TUBGCP2: variants seen among roughly 807,000 people sequenced by gnomAD.
TUBGCP2 encodes the protein gamma-tubulin complex component 2.
Under a neutral mutation model 92.2 loss-of-function variants are expected in TUBGCP2, and 55 were observed. That is an observed-to-expected ratio of 0.60 (90% confidence interval 0.48 to 0.75). The LOEUF is 0.75. Ranked by LOEUF, TUBGCP2 falls within the 30% of genes least tolerant of loss-of-function variation. TUBGCP2 has a pLI of 0.00. For missense variants in TUBGCP2, 1,093 were observed against 1,188.9 expected (o/e 0.92, Z 1.19); for synonymous variants, 533 against 505.2 (o/e 1.06, Z -0.74).
upstream of TUBGCP2, chr10:133,309,405 C>A (rs370544381): frequency 9.9e-6 from 16 of 1,611,968 alleles, no homozygotes; most frequent in Non-Finnish European, 1.3e-5. Context: ...GGACGTGCAG[C>A]GCCACCTCTA....
chr10:133,281,750 G>A (rs189474761), intron 16 of TUBGCP2, among the ~76,000 whole-genome samples: 23 of 152,334 alleles, frequency 1.5e-4, no homozygotes, highest in Admixed American at 1.1e-3. Flanking sequence ...CCTCACCTCC[G>A]GCCCCCACGC....
In TUBGCP2 at chr10:133,302,831, G is replaced by T. The variant is rs760264083; in HGVS notation, c.111C>A (p.Thr37=). ...VYIDLLQKNR[T]PYVTTTVSAH... Reference sequence around the variant, plus strand: ...CAGAGACAGTGGTAGTGACGTACGGGGTCCTGTTCTTTTGAAGCAGGTCAA... The same window carrying T: ...CAGAGACAGTGGTAGTGACGTACGGTGTCCTGTTCTTTTGAAGCAGGTCAA... Residue 37 remains threonine (T), a synonymous_variant, in exon 2 of 18, where the codon ACC becomes ACA. Transcript: ENST00000252936. 3 of 1,613,310 alleles carry T rather than the reference G, an allele frequency of 1.9e-6. No individual in the cohort carries two copies. In the East Asian group the frequency reaches 6.7e-5, roughly 36 times the overall value.
intron 6 of TUBGCP2, 112 bp downstream of exon 6, chr10:133,293,450 A>T: frequency 1.5e-6 from 2 of 1,329,832 alleles, no homozygotes; most frequent in Non-Finnish European, 2.1e-6. Context: ...AGTTGTCACC[A>T]AGGCGGGCGC....
Position 133,293,565 on chromosome 10 carries a change from G to T in TUBGCP2, c.821C>A (p.Thr274Asn). ...LPVAASYSAV[T>N]RFIEEKSSFE... is the part of the protein sequence containing the mutation. ...AGGGACCGCGCCCGGTGCCCACCTGGTCACAGCGGAGTAGCTGGCGGCCAC... is the reference window on the plus strand; with the variant it reads ...AGGGACCGCGCCCGGTGCCCACCTGTTCACAGCGGAGTAGCTGGCGGCCAC... The change falls in exon 6 of 18, where the codon ACC becomes AAC. Residue 274 changes from threonine (T) to asparagine (N), a missense_variant. Thr to Asn is a moderately conservative substitution (Grantham distance 65). This residue lies in a region of TUBGCP2 where 490 missense variants were observed against 488.5 expected (regional missense o/e 1.00). Transcript: ENST00000252936. 2 of 1,551,612 alleles carry T rather than the reference G, an allele frequency of 1.3e-6. No homozygotes were observed. The highest frequency in any genetic ancestry group is 8.7e-7 in the Non-Finnish European group (1 of 1,147,396).
chr10:133,292,737 G>T, intron 7 of TUBGCP2, 49 bp from the exon 8 acceptor site: 1 of 1,567,410 alleles, frequency 6.4e-7, no homozygotes, highest in Non-Finnish European at 8.7e-7. Context: ...CGCACGCCCA[G>T]CCTCTGCCAA....
At chr10:133,309,106 C>G (rs1479449824), upstream of TUBGCP2, 1 of 1,324,014 alleles carries the variant, frequency 7.6e-7, no homozygotes, top group African/African-American at 1.5e-5. Flanking sequence ...GGTGCGTGAG[C>G]AAAAGAGGGA....
Position 133,300,103 on chromosome 10 carries a change from G to A in TUBGCP2, c.161C>T (p.Ala54Val). The A allele has an allele frequency of 6.2e-7, 1 of 1,613,350 alleles. No homozygotes were observed. Among genetic ancestry groups the A allele is most frequent in the South Asian group, 1.1e-5 (1 of 90,988 alleles). ...VSAHSAKVKI[A>V]EFSRTPEDFL... Reference sequence around the variant, plus strand: ...GTCTTCTGGAGTACGAGAAAACTCTGCAATTTTAACCTCAAAAGCACAAAC... The same window carrying A: ...GTCTTCTGGAGTACGAGAAAACTCTACAATTTTAACCTCAAAAGCACAAAC... The change falls in exon 3 of 18, where the codon GCA (alanine) becomes GTA (valine). Residue 54 changes from alanine to valine, a missense_variant. Coordinates refer to ENST00000252936, the MANE Select transcript of TUBGCP2 (RefSeq NM_006659.4).
chr10:133,298,161 A>AT (rs1847534536), intron 4 of TUBGCP2, 50 bp from the exon 5 acceptor site: 3 of 1,586,614 alleles, frequency 1.9e-6, no homozygotes, highest in Admixed American at 3.5e-5. Flanking sequence ...ACTTTAGCGC[A>AT]AACACTCAAC....
At chr10:133,289,383 G>A (rs1014689679) in intron 9 of TUBGCP2, among the ~76,000 whole-genome samples, 1 of 152,158 alleles carries the variant, frequency 6.6e-6, no homozygotes, top group Non-Finnish European at 1.5e-5. Context: ...CTTTCGTGAC[G>A]GCCCCGATGT....
chr10:133,309,429 A>C (rs1403090232), upstream of TUBGCP2: 22 of 1,612,452 alleles, frequency 1.4e-5, no homozygotes, highest in Non-Finnish European at 1.9e-5. Context: ...CCAGGACGTG[A>C]TCATGCAGGT....
Position 133,285,059 on chromosome 10 carries a change from C to T in TUBGCP2, c.2024+26G>A, listed in dbSNP as rs780329895. ...TGCAGCGAGCGCTGCTTCAGGAGGG[C>T]ATGCGGGGGCAGAGGAAGAACGCAC... On this transcript the variant is annotated intron_variant, in intron 13 of 17. Coordinates refer to ENST00000252936, the MANE Select transcript of TUBGCP2 (RefSeq NM_006659.4). This position sits in a 1 kb window ranked among gnomAD's most constrained non-coding sequence, Gnocchi z 6.8. The T allele has an allele frequency of 6.5e-5, 102 of 1,580,696 alleles. No individual in the cohort carries two copies. The highest frequency in any genetic ancestry group is 2.0e-4 in the Admixed American group (12 of 58,892).
intron 6 of TUBGCP2, 52 bp from the exon 7 acceptor site, chr10:133,293,290 C>A: frequency 6.3e-7 from 1 of 1,585,058 alleles, no homozygotes; most frequent in Non-Finnish European, 8.6e-7. Flanking sequence ...CAGGCACATA[C>A]AATGTCCGAT....
At chr10:133,286,967 A>C (rs997004499) in intron 11 of TUBGCP2, among the ~76,000 whole-genome samples, 1 of 152,210 alleles carries the variant, frequency 6.6e-6, no homozygotes, top group Non-Finnish European at 1.5e-5. Flanking sequence ...GACAGGAGTA[A>C]CAAAGATGAC....
intron 16 of TUBGCP2, among the ~76,000 whole-genome samples, chr10:133,281,679 G>A (rs1846981487): frequency 6.6e-6 from 1 of 152,252 alleles, no homozygotes; most frequent in Non-Finnish European, 1.5e-5. Context: ...CCTTTGGGGT[G>A]AGATGAACGA....
At chr10:133,289,571 C>T (rs1046174137) in intron 9 of TUBGCP2, among the ~76,000 whole-genome samples, 7 of 152,170 alleles carry the variant, frequency 4.6e-5, no homozygotes, top group African/African-American at 1.7e-4. Context: ...GAGAGAGCCT[C>T]GCAGGGTCAG....
At chr10:133,302,536 C>A (rs553759028) in intron 2 of TUBGCP2, 1 of 466,810 alleles carries the variant, frequency 2.1e-6, no homozygotes, top group African/African-American at 2.1e-5. Context: ...CCAGGGACGA[C>A]GCTCATCCTG....
chr10:133,292,599 C>T lies in TUBGCP2; in HGVS notation c.1114G>A (p.Ala372Thr), dbSNP rs777688383. Residue 372 changes from alanine (A) to threonine (T), a missense_variant, in exon 8 of 18, where the codon GCG becomes ACG. Ala to Thr is a moderately conservative substitution (Grantham distance 58, BLOSUM62 0). Transcript: ENST00000252936. ...GTTAGGTACAGGCATAGCTCCTGCG[C>T]CTGGCTGTCCCCTGTGTAGCTGAAG... The part of the protein sequence containing the change: ...RSFSYTGDSQ[A>T]QELCLYLTKA... 10 of 1,614,066 alleles carry T rather than the reference C, an allele frequency of 6.2e-6. No homozygotes were observed. The Admixed American group carries it at 1.3e-4, about 22-fold the overall frequency.
intron 8 of TUBGCP2, 114 bp downstream of exon 8, chr10:133,292,379 TGTCCCC>T: frequency 6.6e-6 from 1 of 151,818 alleles, no homozygotes; most frequent in Admixed American, 1.3e-4. Flanking sequence ...GTGTCCCCCG[TGTCCCC>T]GTGTCCCGGG....
chr10:133,292,703 G>T lies in TUBGCP2; in HGVS notation c.1025-15C>A. On this transcript the variant is annotated splice_polypyrimidine_tract_variant and intron_variant, in intron 7 of 17. Transcript: ENST00000252936. Reference sequence around the variant, plus strand: ...CACCGAGGTGGCTGTGGGGAGAAAGGAGGGCTCACTGCTGAGAAGGAAGCG... The same window carrying T: ...CACCGAGGTGGCTGTGGGGAGAAAGTAGGGCTCACTGCTGAGAAGGAAGCG... 6.2e-7 allele frequency: 1 copy of T among 1,609,524 alleles called. No homozygotes were observed. Among genetic ancestry groups the T allele is most frequent in the South Asian group, 1.1e-5 (1 of 90,590 alleles).
Sources: gnomAD v4.1 joint callset for allele counts (sites outside exome capture counted in the v4.1 genomes callset) on GRCh38, gnomAD v4.1.1 for gene constraint, gnomAD v4.1.1 regional missense constraint, Gnocchi (gnomAD v3.1) non-coding constraint, MANE v1.5 for transcripts, NCBI Gene and HGNC (gene_info 2026-07-23, HGNC 2026-07-21) for gene names.